DOCK9: variants seen among roughly 807,000 people sequenced by gnomAD.
The protein encoded by DOCK9 is dedicator of cytokinesis protein 9.
A neutral mutation model predicts 263.3 loss-of-function variants in DOCK9; 89 were observed. The observed-to-expected ratio is 0.34, with a 90% CI of 0.28 to 0.40. The LOEUF (loss-of-function observed/expected upper bound fraction) is 0.40. Ranked by LOEUF, DOCK9 falls within the 10% of genes least tolerant of loss-of-function variation. The pLI, the probability that DOCK9 is intolerant of heterozygous loss-of-function variation, is 1.00. For synonymous variants in DOCK9, 976 were observed against 973.1 expected, an observed-to-expected ratio of 1.00 and a Z score of -0.06; for missense variants, 2,140 against 2,603.4, an observed-to-expected ratio of 0.82 and a Z score of 3.87.
chr13:98,915,241 A>G, intron 8 of DOCK9, 88 bp downstream of exon 8: 2 of 1,331,628 alleles, frequency 1.5e-6, no homozygotes, highest in Non-Finnish European at 2.1e-6. Context: ...GTACTTGTGT[A>G]ACACAGGTCT....
chr13:98,951,352 T>A (rs1402232600), intron 2 of DOCK9, among the ~76,000 whole-genome samples: 1 of 152,240 alleles, frequency 6.6e-6, no homozygotes, highest in Middle Eastern at 3.2e-3. Flanking sequence ...TAATATTTAC[T>A]TGATGAATCA....
chr13:98,980,710 A>T (rs181903610), upstream of DOCK9, among the ~76,000 whole-genome samples: 47 of 152,348 alleles, frequency 3.1e-4, no homozygotes, highest in Middle Eastern at 6.8e-3. Context: ...TGTGTGATCT[A>T]AAATGACAAT....
At chr13:98,914,724 G>A (rs961802168) in intron 8 of DOCK9, among the ~76,000 whole-genome samples, 2 of 152,106 alleles carry the variant, frequency 1.3e-5, no homozygotes. Context: ...AACTAAATCA[G>A]AATCTTTTGT....
At chr13:98,966,391 G>A (rs12429451) in intron 1 of DOCK9, among the ~76,000 whole-genome samples, 17,723 of 152,226 alleles carry the variant, frequency 0.12, 1,233 homozygotes, top group East Asian at 0.2. Context: ...AGTAGTCTCG[G>A]CTTCTAATTC....
intron 15 of DOCK9, among the ~76,000 whole-genome samples, chr13:98,890,836 A>G (rs952552794): frequency 2.6e-5 from 4 of 152,208 alleles, no homozygotes; most frequent in African/African-American, 9.7e-5. Context: ...ATCGTGGCCC[A>G]TCGCCAGCTC....
Position 98,853,483 on chromosome 13 carries a change from A to G in DOCK9, c.3871T>C (p.Cys1291Arg). The G allele has an allele frequency of 6.2e-7, 1 of 1,613,850 alleles. No individual in the cohort carries two copies. ...SSTLGNSVVR[C>R]DKLDQSEIKS... ...ATCTCAGACTGGTCAAGTTTATCAC[A>G]GCGAACCACGGAATTTCCCAATGTG... Residue 1291 changes from cysteine (C) to arginine (R), a missense_variant, in exon 35 of 53, where the codon TGT (cysteine) becomes CGT (arginine). Physicochemically the swap from Cys to Arg is radical, Grantham distance 180. This residue lies in a region of DOCK9 where 1,521 missense variants were observed against 1,741.7 expected (regional missense o/e 0.87). Coordinates refer to ENST00000682017, the MANE Select transcript of DOCK9 (RefSeq NM_001366683.2).
intron 13 of DOCK9, among the ~76,000 whole-genome samples, chr13:98,899,169 A>C (rs2047889755): frequency 6.6e-6 from 1 of 152,042 alleles, no homozygotes; most frequent in Non-Finnish European, 1.5e-5. Flanking sequence ...TCACTGTAGA[A>C]ATGCAGAGTC....
upstream of DOCK9, among the ~76,000 whole-genome samples, chr13:98,982,807 A>G (rs1337407495): frequency 1.3e-5 from 2 of 152,248 alleles, no homozygotes; most frequent in Non-Finnish European, 2.9e-5. Context: ...AATTTTCACT[A>G]CTACTAAAAA....
At chr13:99,079,837 C>G (rs989421405) in intron 1 of DOCK9, among the ~76,000 whole-genome samples, 5 of 152,058 alleles carry the variant, frequency 3.3e-5, no homozygotes, top group African/African-American at 7.2e-5. Context: ...GTCAGGAGTT[C>G]AAGACCAGCC....
At chr13:98,994,502 A>G (rs1880552215) in intron 1 of DOCK9, among the ~76,000 whole-genome samples, 1 of 152,254 alleles carries the variant, frequency 6.6e-6, no homozygotes, top group South Asian at 2.1e-4. Context: ...TGAGAAATGC[A>G]GCACCAATCC....
chr13:98,880,464 C>T, intron 26 of DOCK9, 83 bp downstream of exon 26: 1 of 1,577,170 alleles, frequency 6.3e-7, no homozygotes, highest in African/African-American at 1.3e-5. Context: ...TAAGAGCACT[C>T]AGAAAGGCTG....
At chr13:98,799,469 A>C (rs1047408348) in intron 50 of DOCK9, among the ~76,000 whole-genome samples, 10 of 152,252 alleles carry the variant, frequency 6.6e-5, no homozygotes, top group Non-Finnish European at 1.5e-4. Flanking sequence ...ATTAACTAGG[A>C]AACCATGTAA....
intron 37 of DOCK9, chr13:98,846,467 GAACA>G (rs1424775325): frequency 8.5e-6 from 11 of 1,291,574 alleles, no homozygotes; most frequent in Non-Finnish European, 1.1e-5. Context: ...AAGACACAGA[GAACA>G]AACATGCAAA....
rs375611418 is a variant in DOCK9 at position 98,888,544 on chromosome 13, T to A, written c.1793A>T (p.Tyr598Phe). ...IDNVSSDFPN[Y>F]VNSSYIPTKQ... ...TGTGGGAATGTATGATGAATTAACA[T>A]AATCTGCAAAGATATTCAAAATAAC... is the stretch of plus-strand genomic sequence containing the variant. Residue 598 changes from tyrosine to phenylalanine, a missense_variant, in exon 17 of 53, where the codon TAT becomes TTT. This residue lies in a region of DOCK9 where 1,521 missense variants were observed against 1,741.7 expected (regional missense o/e 0.87). Coordinates refer to ENST00000682017, the MANE Select transcript of DOCK9 (RefSeq NM_001366683.2). The A allele has an allele frequency of 2.4e-5, 38 of 1,613,700 alleles. No homozygotes were observed. Among genetic ancestry groups the A allele is most frequent in the Non-Finnish European group, 2.9e-5 (34 of 1,179,784 alleles).
At chr13:98,919,700 ATCT>A (rs1370436862) in intron 7 of DOCK9, among the ~76,000 whole-genome samples, 1 of 152,202 alleles carries the variant, frequency 6.6e-6, no homozygotes, top group Non-Finnish European at 1.5e-5. Context: ...TGCCTGAATG[ATCT>A]TCATTCTGAG....
At chr13:98,959,347 T>C (rs993230934) in intron 1 of DOCK9, 5 of 152,208 alleles carry the variant, frequency 3.3e-5, no homozygotes, top group African/African-American at 1.2e-4. Flanking sequence ...AGAAATCTTA[T>C]GGAGGATTAA....
intron 1 of DOCK9, among the ~76,000 whole-genome samples, chr13:99,055,368 C>G (rs962501201): frequency 7.9e-5 from 12 of 152,150 alleles, no homozygotes; most frequent in Admixed American, 6.5e-4. Context: ...AGAGGACTCC[C>G]TGTGAGAAAT....
chr13:98,992,375 G>A (rs1441458358), intron 1 of DOCK9, among the ~76,000 whole-genome samples: 1 of 152,124 alleles, frequency 6.6e-6, no homozygotes, highest in Non-Finnish European at 1.5e-5. Flanking sequence ...TCTCCCCCAG[G>A]CCCTCCTCGG....
At chr13:98,965,806 T>C (rs1262697671) in intron 1 of DOCK9, among the ~76,000 whole-genome samples, 1 of 152,202 alleles carries the variant, frequency 6.6e-6, no homozygotes, top group Non-Finnish European at 1.5e-5. Flanking sequence ...CCCAGACATC[T>C]AAATATATTT....
Sources: allele counts gnomAD v4.1 joint callset (sites outside exome capture counted in the v4.1 genomes callset), GRCh38; gene constraint gnomAD v4.1.1; regional missense constraint gnomAD v4.1.1; transcripts MANE v1.5; gene names NCBI Gene and HGNC (gene_info 2026-07-23, HGNC 2026-07-21).